GPS2: variants seen among roughly 807,000 people sequenced by gnomAD.
The protein encoded by GPS2 is GPS-2.
A neutral mutation model predicts 48.1 loss-of-function variants in GPS2; 22 were observed. The observed-to-expected ratio is 0.46, with a 90% CI of 0.33 to 0.65. The LOEUF (loss-of-function observed/expected upper bound fraction) is 0.65, where lower values mean the gene tolerates loss of function less well. Ranked by LOEUF, GPS2 falls within the 30% of genes least tolerant of loss-of-function variation. GPS2 has a pLI of 0.03. For synonymous variants in GPS2, 202 were observed against 142.5 expected, an observed-to-expected ratio of 1.42 and a Z score of -2.98; for missense variants, 366 against 406.8, an observed-to-expected ratio of 0.90 and a Z score of 0.86.
chr17:7,315,015 G>C lies in GPS2; in HGVS notation c.38C>G (p.Ala13Gly), dbSNP rs1254766454. Residue 13 changes from alanine (A) to glycine (G), a missense_variant, in exon 2 of 11, where the codon GCC (alanine) becomes GGC (glycine). Transcript: ENST00000380728. Reference protein sequence around the residue: ...ALLERPKLSNAMARALHRHIM... With the variant: ...ALLERPKLSNGMARALHRHIM... ...GTGCCGGTGCAGCGCCCTGGCCATG[G>C]CGTTGGAAAGCTTGGGGCGCTCCAG... The C allele has an allele frequency of 5.0e-6, 8 of 1,605,126 alleles. No homozygotes were observed. Among genetic ancestry groups the C allele is most frequent in the Non-Finnish European group, 6.8e-6 (8 of 1,176,658 alleles).
At position 7,313,643 on chromosome 17, in the gene GPS2, C is replaced by T; in HGVS notation, c.559G>A (p.Ala187Thr). 1.2e-6 allele frequency: 2 copies of T among 1,614,100 alleles called. No homozygotes were observed. The highest frequency in any genetic ancestry group is 1.7e-6 in the Non-Finnish European group (2 of 1,179,962). The stretch of plus-strand genomic sequence containing the variant: ...GGTGGGGGCTGAGCAGTCCCATAGG[C>T]ACCACCAGGACTGCCTTGGAATTGT... Reference protein sequence around the residue: ...HGQFQGSPGGAYGTAQPPPHY... With the variant: ...HGQFQGSPGGTYGTAQPPPHY... Residue 187 changes from alanine (A) to threonine (T), a missense_variant, in exon 7 of 11, where the codon GCC (alanine) becomes ACC (threonine). This residue lies in a region of GPS2 where 275 missense variants were observed against 282.3 expected (regional missense o/e 0.97). Transcript: ENST00000380728.
Position 7,313,078 on chromosome 17 carries a change from C to T in GPS2, c.851G>A (p.Gly284Glu), listed in dbSNP as rs781356479. 6.4e-7 allele frequency: 1 copy of T among 1,569,726 alleles called. No individual in the cohort carries two copies. The highest frequency in any genetic ancestry group is 8.7e-7 in the Non-Finnish European group (1 of 1,155,604). Reference protein sequence around the residue: ...MHPQALHPAPGLLASPQLPVQ... With the variant: ...MHPQALHPAPELLASPQLPVQ... The stretch of plus-strand genomic sequence containing the variant: ...AGGGAGCTGGGGGGAAGCAAGGAGT[C>T]CAGGGGCTGGATGCAGAGCCTGGGG... Residue 284 changes from glycine to glutamate, a missense_variant, in exon 10 of 11, where the codon GGA (glycine) becomes GAA (glutamate). This residue lies in a region of GPS2 where 275 missense variants were observed against 282.3 expected (regional missense o/e 0.97). Coordinates refer to ENST00000380728, the MANE Select transcript of GPS2 (RefSeq NM_004489.5).
In GPS2 at chr17:7,314,379, A is replaced by G; in HGVS notation, c.229T>C (p.Leu77=). Residue 77 remains leucine, a synonymous_variant, in exon 4 of 11, where the codon TTG becomes CTG. Coordinates refer to ENST00000380728, the MANE Select transcript of GPS2 (RefSeq NM_004489.5). ...EQILKLEEKL[L]ALQEEKHQLF... ...TGGTGCTTCTCTTCCTGTAGAGCCA[A>G]AAGCTTCTCCTCCAACTTCAGAATC... is the stretch of plus-strand genomic sequence containing the variant. 6.2e-7 allele frequency: 1 copy of G among 1,614,186 alleles called. No homozygotes were observed.
In GPS2 at chr17:7,314,156, G is replaced by A. The variant is rs750817188; in HGVS notation, c.321C>T (p.Asp107=). 1 of 1,612,968 alleles carries A rather than the reference G, an allele frequency of 6.2e-7. No homozygotes were observed. The highest frequency in any genetic ancestry group is 1.1e-5 in the South Asian group (1 of 91,060). The change falls in exon 5 of 11, where the codon GAC becomes GAT. Residue 107 remains aspartate (D), a synonymous_variant. Transcript: ENST00000380728. ...EEKRRRKEQS[D]LTTLTSAAYQ... is the part of the protein sequence containing the mutation. Reference sequence around the variant, plus strand: ...ATGCAGCTGATGTTAGGGTGGTCAGGTCACTGGAGTGAAAGGAAGACAGGT... The same window carrying A: ...ATGCAGCTGATGTTAGGGTGGTCAGATCACTGGAGTGAAAGGAAGACAGGT...
At position 7,313,070 on chromosome 17, in the gene GPS2, CAAG is replaced by C. The variant is rs76713000; in HGVS notation, c.856_858del (p.Leu286del). Reference sequence around the variant, plus strand: ...ATCTGCACAGGGAGCTGGGGGGAAGCAAGGAGTCCAGGGGCTGGATGCAGAGCC... The same window carrying C: ...ATCTGCACAGGGAGCTGGGGGGAAGCGAGTCCAGGGGCTGGATGCAGAGCC... On this transcript the variant is annotated inframe_deletion, in exon 10 of 11. Coordinates refer to ENST00000380728, the MANE Select transcript of GPS2 (RefSeq NM_004489.5). The C allele has an allele frequency of 3.2e-6, 5 of 1,560,468 alleles. No individual in the cohort carries two copies. The highest frequency in any genetic ancestry group is 3.5e-6 in the Non-Finnish European group (4 of 1,151,668).
At chr17:7,312,938 A>G (rs1597624646) in intron 10 of GPS2, 91 bp downstream of exon 10, 1 of 1,472,362 alleles carries the variant, frequency 6.8e-7, no homozygotes, top group Non-Finnish European at 9.5e-7. Flanking sequence ...AGGAAAAACC[A>G]GATGATGTGG....
In GPS2 at chr17:7,314,871, C is replaced by T. The variant is rs540779239; in HGVS notation, c.94+88G>A. ...TCCCTCCTCTGCGCTCGGCAGCGGG[C>T]GCGCTGGTTGGCCGGTGGGTTGAGG... On this transcript the variant is annotated intron_variant, in intron 2 of 10. Transcript: ENST00000380728. 47 of 1,452,570 alleles carry T rather than the reference C, an allele frequency of 3.2e-5. No homozygotes were observed. The African/African-American group carries it at 5.9e-4, about 18-fold the overall frequency. The allele number at this position is 1,452,570 out of a possible 1,614,324, so 90.0% of individuals were successfully genotyped here.
chr17:7,313,780 TTGTG>T (rs1044167652), intron 6 of GPS2, 59 bp from the exon 7 acceptor site: 71 of 1,597,006 alleles, frequency 4.4e-5, no homozygotes, highest in Non-Finnish European at 5.8e-5. Context: ...ACCCAGTGAC[TTGTG>T]TGTATCTGTA....
Position 7,313,467 on chromosome 17 carries a change from G to A in GPS2, c.637C>T (p.Pro213Ser), listed in dbSNP as rs748835899. The part of the protein sequence containing the change: ...AYSPSQQLRA[P>S]SAFPAVQYLS... ...TACTGCACTGCAGGGAATGCCGAAG[G>A]AGCTGAGAAAGGAAAAGACAGAGCC... The change falls in exon 8 of 11, where the codon CCT (proline) becomes TCT (serine). Residue 213 changes from proline to serine, a missense_variant and splice_region_variant. Pro to Ser is a moderately conservative substitution (Grantham distance 74, BLOSUM62 -1). Transcript: ENST00000380728. 27 of 1,614,046 alleles carry A rather than the reference G, an allele frequency of 1.7e-5. No individual in the cohort carries two copies. Among genetic ancestry groups the A allele is most frequent in the Non-Finnish European group, 2.2e-5 (26 of 1,180,014 alleles).
intron 8 of GPS2, 27 bp from the exon 9 acceptor site, chr17:7,313,318 A>G: frequency 1.2e-6 from 2 of 1,612,554 alleles, no homozygotes; most frequent in Non-Finnish European, 1.7e-6. Flanking sequence ...GGCATGTGAG[A>G]TGAGAATGAA....
rs1446749502 is a variant in GPS2 at position 7,313,822 on chromosome 17, C to T, written c.480+84G>A. Reference sequence around the variant, plus strand: ...CCCCGTTTCCCCCTAAACTTAAGTGCTTGATATGTTTGTGACTTGAATACT... The same window carrying T: ...CCCCGTTTCCCCCTAAACTTAAGTGTTTGATATGTTTGTGACTTGAATACT... On this transcript the variant is annotated intron_variant, in intron 6 of 10. Coordinates refer to ENST00000380728, the MANE Select transcript of GPS2 (RefSeq NM_004489.5). 9 of 1,568,170 alleles carry T rather than the reference C, an allele frequency of 5.7e-6. No homozygotes were observed. The Admixed American group carries it at 6.7e-5, about 12-fold the overall frequency.
intron 2 of GPS2, 149 bp from the exon 3 acceptor site, chr17:7,314,746 C>T: frequency 6.8e-7 from 1 of 1,474,554 alleles, no homozygotes; most frequent in Admixed American, 1.8e-5. Context: ...CAATAGGGAA[C>T]GGAAAGGCTT....
At chr17:7,314,255 TG>T in intron 4 of GPS2, 35 bp downstream of exon 4, 2 of 1,599,466 alleles carry the variant, frequency 1.3e-6, no homozygotes, top group Non-Finnish European at 8.6e-7. Context: ...CAGTTCCACT[TG>T]GCCCCCATTT....
chr17:7,313,482 A>C lies in GPS2; in HGVS notation c.635-13T>G. 6.2e-7 allele frequency: 1 copy of C among 1,614,076 alleles called. No homozygotes were observed. On this transcript the variant is annotated splice_polypyrimidine_tract_variant and intron_variant, in intron 7 of 10. Transcript: ENST00000380728. Reference sequence around the variant, plus strand: ...AATGCCGAAGGAGCTGAGAAAGGAAAAGACAGAGCCATTAAAATCTTTTAC... The same window carrying C: ...AATGCCGAAGGAGCTGAGAAAGGAACAGACAGAGCCATTAAAATCTTTTAC...
At chr17:7,313,175 T>A in intron 9 of GPS2, 37 bp downstream of exon 9, 1 of 1,610,040 alleles carries the variant, frequency 6.2e-7, no homozygotes, top group Non-Finnish European at 8.5e-7. Flanking sequence ...CCCCTTAACA[T>A]ATCCCTAACC....
chr17:7,314,245 C>T (rs774154591), intron 4 of GPS2, 46 bp downstream of exon 4: 4 of 1,594,100 alleles, frequency 2.5e-6, no homozygotes, highest in African/African-American at 1.3e-5. Flanking sequence ...TACCTGATCC[C>T]AGTTCCACTT....
rs140627974 is a variant in GPS2, at chr17:7,315,054, G to C, written c.-2C>G. 222 of 1,589,538 alleles carry C rather than the reference G, an allele frequency of 1.4e-4. 1 individual carries two copies. Among genetic ancestry groups the C allele is most frequent in the Non-Finnish European group, 1.8e-4 (209 of 1,169,544 alleles). Reference sequence around the variant, plus strand: ...GGGGCGCTCCAGGAGTGCGGGCATGGTGCTGCCGTGGGCGCTCGGGCCGTG... The same window carrying C: ...GGGGCGCTCCAGGAGTGCGGGCATGCTGCTGCCGTGGGCGCTCGGGCCGTG... On this transcript the variant is annotated 5_prime_UTR_variant, in exon 2 of 11. Coordinates refer to ENST00000380728, the MANE Select transcript of GPS2 (RefSeq NM_004489.5).
chr17:7,313,141 C>A lies in GPS2; in HGVS notation c.805-17G>T. 6.2e-7 allele frequency: 1 copy of A among 1,609,152 alleles called. No individual in the cohort carries two copies. The highest frequency in any genetic ancestry group is 1.7e-5 in the Admixed American group (1 of 59,898). On this transcript the variant is annotated splice_polypyrimidine_tract_variant and intron_variant, in intron 9 of 10. Coordinates refer to ENST00000380728, the MANE Select transcript of GPS2 (RefSeq NM_004489.5). Reference sequence around the variant, plus strand: ...CAGAGAGGACTGCAGAGAACAGAGTCAGGGCCTGAGGCATACTGAAGCTCC... The same window carrying A: ...CAGAGAGGACTGCAGAGAACAGAGTAAGGGCCTGAGGCATACTGAAGCTCC...
intron 2 of GPS2, 106 bp from the exon 3 acceptor site, chr17:7,314,703 C>A: frequency 6.3e-7 from 1 of 1,581,538 alleles, no homozygotes; most frequent in South Asian, 1.1e-5. Context: ...CCTGTATGCT[C>A]TTTGCCTCGA....
Sources: allele counts gnomAD v4.1 joint callset, GRCh38; gene constraint gnomAD v4.1.1; regional missense constraint gnomAD v4.1.1; transcripts MANE v1.5; gene names NCBI Gene and HGNC (gene_info 2026-07-23, HGNC 2026-07-21).